The following CDK8 variants were observed in gnomAD, a reference collection of about 807,000 sequenced individuals.
CDK8 encodes cyclin-dependent kinase 8.
A neutral mutation model predicts 71.5 loss-of-function variants in CDK8; 29 were observed. The ratio of observed to expected loss-of-function variants is 0.41; its 90% CI spans 0.30 to 0.55. CDK8 has a LOEUF of 0.55. Ranked by LOEUF, CDK8 falls within the 20% of genes least tolerant of loss-of-function variation. The probability of loss-of-function intolerance (pLI) is 0.37; values close to 1 mark genes in which losing one functional copy is unlikely to be tolerated. For missense variants in CDK8, 288 were observed against 572.6 expected (o/e 0.50, Z 5.07); for synonymous variants, 161 against 192.1 (o/e 0.84, Z 1.34).
At chr13:26,354,611 TTC>T (rs1403607754) in intron 4 of CDK8, among the ~76,000 whole-genome samples, 1 of 152,138 alleles carries the variant, frequency 6.6e-6, no homozygotes, top group Non-Finnish European at 1.5e-5. Flanking sequence ...CAGCATTAGA[TTC>T]TCATAGGAGC....
At chr13:26,372,041 A>G (rs1035504131) in intron 4 of CDK8, among the ~76,000 whole-genome samples, 1 of 152,330 alleles carries the variant, frequency 6.6e-6, no homozygotes, top group East Asian at 1.9e-4. Context: ...AAGAGAGTAT[A>G]CTTTTCAAAT....
At chr13:26,388,858 C>T (rs1460569796) in intron 6 of CDK8, among the ~76,000 whole-genome samples, 1 of 152,142 alleles carries the variant, frequency 6.6e-6, no homozygotes, top group Non-Finnish European at 1.5e-5. Flanking sequence ...CCTCCCTCCT[C>T]CTCCTCACCA....
intron 4 of CDK8, among the ~76,000 whole-genome samples, chr13:26,371,368 T>C (rs1324564807): frequency 2.0e-5 from 3 of 152,164 alleles, no homozygotes; most frequent in Non-Finnish European, 4.4e-5. Context: ...CCTAACTGTA[T>C]TTCCTCATCT....
chr13:26,285,095 C>T (rs1272319523), intron 1 of CDK8, among the ~76,000 whole-genome samples: 17 of 152,036 alleles, frequency 1.1e-4, no homozygotes, highest in African/African-American at 3.1e-4. Context: ...AAAAGTTAGC[C>T]GGGCGTGGTG....
chr13:26,387,494 C>T (rs1244350602), intron 6 of CDK8, among the ~76,000 whole-genome samples: 1 of 152,194 alleles, frequency 6.6e-6, no homozygotes, highest in African/African-American at 2.4e-5. Flanking sequence ...GGTCTTTCCT[C>T]TGAAGCCAAA....
chr13:26,399,033 C>T (rs1040455208), intron 9 of CDK8, among the ~76,000 whole-genome samples: 5 of 151,146 alleles, frequency 3.3e-5, no homozygotes, highest in African/African-American at 1.2e-4. Flanking sequence ...TTGTTGGAGA[C>T]ACAGTTTCAT....
At chr13:26,286,738 A>G (rs988722964) in intron 1 of CDK8, among the ~76,000 whole-genome samples, 32 of 152,316 alleles carry the variant, frequency 2.1e-4, no homozygotes, top group African/African-American at 7.2e-4. Context: ...AGTGGGAAAA[A>G]CAATATTCTC....
At chr13:26,385,142 A>C in intron 5 of CDK8, 69 bp from the exon 6 acceptor site, 1 of 1,289,540 alleles carries the variant, frequency 7.8e-7, no homozygotes, top group Non-Finnish European at 1.1e-6. Context: ...TAAGATGGTA[A>C]ATTAGACTAA....
At chr13:26,325,729 C>T (rs1466875604) in intron 1 of CDK8, among the ~76,000 whole-genome samples, 2 of 152,010 alleles carry the variant, frequency 1.3e-5, no homozygotes, top group Admixed American at 6.6e-5. Context: ...TGGTACTGGC[C>T]GTGCTACCGA....
At chr13:26,332,288 C>G (rs12873876) in intron 1 of CDK8, among the ~76,000 whole-genome samples, 125,826 of 151,564 alleles carry the variant, frequency 0.83, 53,882 homozygotes, top group East Asian at 0.99. Flanking sequence ...GAGTTTGAGA[C>G]CAGCCTGACC....
At chr13:26,314,861 A>G (rs1181963249) in intron 1 of CDK8, among the ~76,000 whole-genome samples, 3 of 152,220 alleles carry the variant, frequency 2.0e-5, no homozygotes, top group Admixed American at 2.0e-4. Context: ...GATACAGATT[A>G]TATCTGTATG....
At chr13:26,374,187 C>T (rs541973807) in intron 4 of CDK8, among the ~76,000 whole-genome samples, 5 of 151,658 alleles carry the variant, frequency 3.3e-5, no homozygotes, top group Non-Finnish European at 7.4e-5. Context: ...GACAACAGAG[C>T]GAGACTCCAT....
chr13:26,366,028 G>A (rs1488943989), intron 4 of CDK8, among the ~76,000 whole-genome samples: 1 of 151,922 alleles, frequency 6.6e-6, no homozygotes, highest in Admixed American at 6.6e-5. Context: ...ATAGAGTCAG[G>A]TTTTAGAGTT....
Position 26,380,628 on chromosome 13 carries a change from C to T in CDK8, c.457-2186C>T, listed in dbSNP as rs534868051. ...CAGGAACTACAGGCGTGTGTCACCA[C>T]GCCTGGCTGATTTAAAAAAAAAAAA... On this transcript the variant is annotated intron_variant, in intron 4 of 12. Coordinates refer to ENST00000381527, the MANE Select transcript of CDK8 (RefSeq NM_001260.3). Among the ~76,000 whole-genome samples the T allele has an allele frequency of 1.5e-3, 227 of 152,022 alleles. 3 individuals are homozygous for T. The South Asian group carries it at 0.023, about 15-fold the overall frequency.
chr13:26,347,703 A>G (rs923124418), intron 2 of CDK8, among the ~76,000 whole-genome samples: 1 of 152,226 alleles, frequency 6.6e-6, no homozygotes, highest in African/African-American at 2.4e-5. Flanking sequence ...ACCATTATTG[A>G]CTAGGCAAAT....
Position 26,350,279 on chromosome 13 carries a change from G to A in CDK8, c.315+1097G>A, listed in dbSNP as rs115483057. Among the ~76,000 whole-genome samples, 1,108 of 152,238 alleles carry A rather than the reference G, an allele frequency of 7.3e-3. 14 individuals are homozygous for A. The highest frequency in any genetic ancestry group is 0.026 in the African/African-American group (1,062 of 41,528). On this transcript the variant is annotated intron_variant, in intron 3 of 12. Transcript: ENST00000381527. ...AGAGCTCTATTACAAAATAAGATTC[G>A]TGTGAAAATAAATTTTAATATCTCT...
intron 1 of CDK8, among the ~76,000 whole-genome samples, chr13:26,326,659 AC>A (rs1469240281): frequency 6.6e-6 from 1 of 152,112 alleles, no homozygotes; most frequent in East Asian, 1.9e-4. Flanking sequence ...GCTGGGACAG[AC>A]CTTTAGTAAT....
At chr13:26,400,265 C>A in intron 9 of CDK8, 188 bp from the exon 10 acceptor site, 1 of 538,134 alleles carries the variant, frequency 1.9e-6, no homozygotes, top group Non-Finnish European at 3.3e-6. Context: ...GATTATGAAA[C>A]TGGAATGACT....
chr13:26,385,767 G>A (rs574479632), intron 6 of CDK8, among the ~76,000 whole-genome samples: 1 of 152,112 alleles, frequency 6.6e-6, no homozygotes, highest in South Asian at 2.1e-4. Context: ...ATAAAAGTAA[G>A]AGCAAGGCCT....
Sources: gnomAD v4.1 joint callset for allele counts (sites outside exome capture counted in the v4.1 genomes callset) on GRCh38, gnomAD v4.1.1 for gene constraint, MANE v1.5 for transcripts, NCBI Gene and HGNC (gene_info 2026-07-23, HGNC 2026-07-21) for gene names.